RBFOX1: variants seen among roughly 807,000 people sequenced by gnomAD.
The protein encoded by RBFOX1 is RNA binding fox-1 homolog 1, also known as RNA binding protein fox-1 homolog 1.
A neutral mutation model predicts 57.7 loss-of-function variants in RBFOX1; 8 were observed. The ratio of observed to expected loss-of-function variants is 0.14; its 90% CI spans 0.08 to 0.25. The LOEUF is 0.25. Among genes scored for constraint, RBFOX1 ranks in the 10% least tolerant of loss-of-function variants. The pLI is 1.00. For missense variants in RBFOX1, 611 were observed against 548.5 expected (o/e 1.11, Z -1.14); for synonymous variants, 326 against 222.4 (o/e 1.47, Z -4.15).
chr16:6,662,991 G>C (rs966593606), intron 3 of RBFOX1, among the ~76,000 whole-genome samples: 1 of 152,166 alleles, frequency 6.6e-6, no homozygotes, highest in East Asian at 1.9e-4. Context: ...AGGAAACACT[G>C]TTTTCTACTG....
intron 3 of RBFOX1, among the ~76,000 whole-genome samples, chr16:7,043,587 T>G (rs570828782): frequency 2.0e-5 from 3 of 152,358 alleles, no homozygotes; most frequent in Middle Eastern, 3.4e-3. Flanking sequence ...ACCAATTGAT[T>G]TGATATATTG....
intron 2 of RBFOX1, among the ~76,000 whole-genome samples, chr16:6,625,838 G>A (rs1334848423): frequency 6.6e-6 from 1 of 152,146 alleles, no homozygotes. Flanking sequence ...TTCTACATTT[G>A]CAGCATTTAA....
intron 4 of RBFOX1, among the ~76,000 whole-genome samples, chr16:7,405,349 T>A (rs370030710): frequency 3.5e-4 from 54 of 152,340 alleles, no homozygotes; most frequent in African/African-American, 1.1e-3. Flanking sequence ...GCGATGAGAT[T>A]AGCAGATGCA....
intron 2 of RBFOX1, among the ~76,000 whole-genome samples, chr16:6,435,027 G>T (rs1034516195): frequency 1.2e-4 from 18 of 152,268 alleles, no homozygotes; most frequent in African/African-American, 4.3e-4. Context: ...TCAGCCCTGA[G>T]TCTAAGCTCC....
At chr16:6,151,612 C>T (rs115887622) in intron 1 of RBFOX1, among the ~76,000 whole-genome samples, 390 of 152,202 alleles carry the variant, frequency 2.6e-3, no homozygotes, top group African/African-American at 9.2e-3. Context: ...TGTCATTCTC[C>T]ATCTTCATGC....
In RBFOX1 at chr16:6,593,363, C is replaced by T. The variant is rs544840572; in HGVS notation, c.-63-61240C>T. On this transcript the variant is annotated intron_variant, in intron 2 of 15. Transcript: ENST00000550418. ...ACTAAAAGAAAGGGTTAAAATCATG[C>T]GGAATCACAGAGAAAAAATAATGAT... is the stretch of plus-strand genomic sequence containing the variant. Among the ~76,000 whole-genome samples, 17 of 152,236 alleles carry T rather than the reference C, an allele frequency of 1.1e-4. No individual in the cohort carries two copies. In the South Asian group the frequency reaches 3.5e-3, roughly 32 times the overall value.
At chr16:7,501,700 G>C (rs997821995) in intron 4 of RBFOX1, among the ~76,000 whole-genome samples, 1 of 152,176 alleles carries the variant, frequency 6.6e-6, no homozygotes, top group African/African-American at 2.4e-5. Flanking sequence ...TGTTTTGTCA[G>C]TCTGTATCCT....
intron 1 of RBFOX1, among the ~76,000 whole-genome samples, chr16:6,032,401 A>C (rs889297997): frequency 6.6e-6 from 1 of 152,150 alleles, no homozygotes; most frequent in African/African-American, 2.4e-5. Context: ...ACAATTATTC[A>C]TTCCGTAGCA....
At chr16:6,769,183 A>C (rs1020820464) in intron 3 of RBFOX1, among the ~76,000 whole-genome samples, 1 of 152,124 alleles carries the variant, frequency 6.6e-6, no homozygotes, top group Non-Finnish European at 1.5e-5. Context: ...GATAGTGCAT[A>C]AGCCTCATGA....
intron 4 of RBFOX1, among the ~76,000 whole-genome samples, chr16:6,012,746 C>A (rs973570191): frequency 2.0e-5 from 3 of 152,160 alleles, no homozygotes; most frequent in African/African-American, 7.2e-5. Flanking sequence ...TTCTTCCCTG[C>A]CCTGCCATCT....
intron 4 of RBFOX1, among the ~76,000 whole-genome samples, chr16:7,317,324 C>T (rs563020191): frequency 7.2e-5 from 11 of 152,232 alleles, no homozygotes; most frequent in Non-Finnish European, 1.2e-4. Context: ...TGGCACTGAC[C>T]TGGGTGGTAT....
At chr16:6,463,134 T>G (rs979593426) in intron 2 of RBFOX1, among the ~76,000 whole-genome samples, 5 of 152,226 alleles carry the variant, frequency 3.3e-5, no homozygotes, top group African/African-American at 1.2e-4. Flanking sequence ...TGTAATACTT[T>G]ATAGTTTTTT....
chr16:6,682,196 T>G (rs2058749035), intron 3 of RBFOX1, among the ~76,000 whole-genome samples: 2 of 152,184 alleles, frequency 1.3e-5, no homozygotes, highest in African/African-American at 4.8e-5. Context: ...TTAGGGCAAT[T>G]AAAACAACAA....
chr16:5,269,892 C>T (rs574110321), intron 1 of RBFOX1, among the ~76,000 whole-genome samples: 1 of 152,310 alleles, frequency 6.6e-6, no homozygotes, highest in South Asian at 2.1e-4. Context: ...TGGTGGCTCA[C>T]ACCTGAAATC....
At chr16:5,863,242 G>T (rs946927390) in intron 3 of RBFOX1, among the ~76,000 whole-genome samples, 8 of 152,190 alleles carry the variant, frequency 5.3e-5, no homozygotes, top group Admixed American at 2.0e-4. Context: ...GGAGAGGAAG[G>T]GAAATGATTA....
chr16:6,267,531 C>G (rs1010638073), intron 1 of RBFOX1, among the ~76,000 whole-genome samples: 2 of 152,144 alleles, frequency 1.3e-5, no homozygotes, highest in African/African-American at 4.8e-5. Flanking sequence ...AAACGAGCAA[C>G]AGTCCTTTCT....
chr16:6,041,273 G>T (rs977802983), intron 1 of RBFOX1, among the ~76,000 whole-genome samples: 55 of 152,090 alleles, frequency 3.6e-4, no homozygotes, highest in African/African-American at 1.3e-3. Context: ...TATTCTGTTT[G>T]TTAGAAGCAA....
intron 4 of RBFOX1, among the ~76,000 whole-genome samples, chr16:7,180,720 A>G (rs2082532457): frequency 6.6e-6 from 1 of 152,002 alleles, no homozygotes. Context: ...TGATGAAAAA[A>G]AAAAAAAAAC....
intron 1 of RBFOX1, among the ~76,000 whole-genome samples, chr16:6,090,944 A>G (rs2096162974): frequency 1.3e-5 from 2 of 152,238 alleles, no homozygotes; most frequent in South Asian, 4.1e-4. Context: ...TGGTTTGTTC[A>G]TATGTATGGG....
Sources: allele counts gnomAD v4.1 joint callset (sites outside exome capture counted in the v4.1 genomes callset), GRCh38; gene constraint gnomAD v4.1.1; transcripts MANE v1.5; gene names NCBI Gene and HGNC (gene_info 2026-07-23, HGNC 2026-07-21).